The following ENTHD1 variants were observed in gnomAD, a reference collection of about 807,000 sequenced individuals.
ENTHD1 encodes ENTH domain-containing protein 1.
ENTHD1 carries 23 observed loss-of-function variants against 39.1 expected under a neutral mutation model. That is an observed-to-expected ratio of 0.59 (90% CI 0.42 to 0.83). ENTHD1 has a LOEUF of 0.83. Among genes scored for constraint, ENTHD1 ranks in the 40% least tolerant of loss-of-function variants. ENTHD1 has a pLI of 0.00. For synonymous variants in ENTHD1, 230 were observed against 258.2 expected (o/e 0.89, Z 1.05); for missense variants, 624 against 705.4 (o/e 0.88, Z 1.31).
intron 4 of ENTHD1, among the ~76,000 whole-genome samples, chr22:39,829,010 G>A (rs144764428): frequency 9.7e-4 from 147 of 152,192 alleles, no homozygotes; most frequent in Middle Eastern, 3.4e-3. Flanking sequence ...TATTTTAAGC[G>A]CCCCTCATTC....
At position 39,752,760 on chromosome 22, in the gene ENTHD1, A is replaced by G. The variant is rs193120210; in HGVS notation, c.1220-8477T>C. Among the ~76,000 whole-genome samples the G allele has an allele frequency of 3.3e-5, 5 of 152,348 alleles. No homozygotes were observed. The East Asian group carries it at 9.6e-4, about 29-fold the overall frequency. ...AGGTGTGGTTTTTTGCCTGTGAAAC[A>G]GCAGGCAGGAGATGTATACTACAAG... is the stretch of plus-strand genomic sequence containing the variant. On this transcript the variant is annotated intron_variant, in intron 6 of 6. Coordinates refer to ENST00000325157, the MANE Select transcript of ENTHD1 (RefSeq NM_152512.4).
At chr22:39,840,020 G>A (rs2065932505) in intron 3 of ENTHD1, among the ~76,000 whole-genome samples, 1 of 152,144 alleles carries the variant, frequency 6.6e-6, no homozygotes, top group African/African-American at 2.4e-5. Flanking sequence ...GCATAACACT[G>A]GAAGTGAGGT....
intron 6 of ENTHD1, among the ~76,000 whole-genome samples, chr22:39,762,565 C>T (rs578081919): frequency 6.6e-6 from 1 of 152,154 alleles, no homozygotes; most frequent in Non-Finnish European, 1.5e-5. Context: ...GATCCTCCTG[C>T]CTCAGCTTCC....
At chr22:39,747,574 C>A (rs2065115364) in intron 6 of ENTHD1, among the ~76,000 whole-genome samples, 1 of 151,814 alleles carries the variant, frequency 6.6e-6, no homozygotes, top group Non-Finnish European at 1.5e-5. Context: ...GGCAGGTAAC[C>A]AGGACAGTGA....
intron 5 of ENTHD1, among the ~76,000 whole-genome samples, chr22:39,769,968 T>A (rs543572170): frequency 2.0e-5 from 3 of 152,304 alleles, no homozygotes; most frequent in African/African-American, 7.2e-5. Flanking sequence ...CTGGGTATCT[T>A]AGAGGTCTGA....
chr22:39,772,679 C>T (rs1355335994), intron 5 of ENTHD1, among the ~76,000 whole-genome samples: 2 of 152,042 alleles, frequency 1.3e-5, no homozygotes, highest in Non-Finnish European at 2.9e-5. Flanking sequence ...ATGCAATTAA[C>T]AGGCACAAAT....
chr22:39,781,277 C>A (rs964396169), intron 5 of ENTHD1, among the ~76,000 whole-genome samples: 3 of 151,948 alleles, frequency 2.0e-5, no homozygotes, highest in African/African-American at 7.2e-5. Flanking sequence ...GAGTCTTAAC[C>A]AATTCAAAAA....
chr22:39,814,438 C>T (rs184573473), intron 5 of ENTHD1, among the ~76,000 whole-genome samples: 161 of 151,858 alleles, frequency 1.1e-3, no homozygotes, highest in African/African-American at 3.8e-3. Flanking sequence ...CCAGCATGGG[C>T]GACAGAGTGA....
At chr22:39,862,531 A>G (rs2066150315) in intron 2 of ENTHD1, among the ~76,000 whole-genome samples, 1 of 147,914 alleles carries the variant, frequency 6.8e-6, no homozygotes, top group Non-Finnish European at 1.5e-5. Context: ...TTGGCAAGAG[A>G]GCGAGACTCT....
rs146262331 is a variant in ENTHD1, at chr22:39,758,205, T to C, written c.1219+7018A>G. On this transcript the variant is annotated intron_variant, in intron 6 of 6. Coordinates refer to ENST00000325157, the MANE Select transcript of ENTHD1 (RefSeq NM_152512.4). Reference sequence around the variant, plus strand: ...ATCTTCCACACAGATAATCCTATCATCTTCGAATAAAAACATTTTATTTCT... The same window carrying C: ...ATCTTCCACACAGATAATCCTATCACCTTCGAATAAAAACATTTTATTTCT... Among the ~76,000 whole-genome samples the C allele has an allele frequency of 5.1e-3, 769 of 152,246 alleles. 7 individuals are homozygous for C. The highest frequency in any genetic ancestry group is 0.02 in the Middle Eastern group (6 of 294).
chr22:39,835,817 G>C (rs910111446), intron 4 of ENTHD1, 23 bp downstream of exon 4: 2 of 1,506,910 alleles, frequency 1.3e-6, no homozygotes, highest in African/African-American at 2.8e-5. Flanking sequence ...TATTACAGCA[G>C]CTATAGGAAA....
At chr22:39,805,386 G>T (rs11912163) in intron 5 of ENTHD1, among the ~76,000 whole-genome samples, 3,000 of 152,304 alleles carry the variant, frequency 0.02, 107 homozygotes, top group African/African-American at 0.068. Flanking sequence ...ATGTGTGAGA[G>T]ACTAGCAGTT....
At chr22:39,787,684 T>TGA (rs1458881410) in intron 5 of ENTHD1, among the ~76,000 whole-genome samples, 2 of 152,134 alleles carry the variant, frequency 1.3e-5, no homozygotes, top group African/African-American at 4.8e-5. Flanking sequence ...CTATGAAGGT[T>TGA]GAGAGAGATG....
At chr22:39,773,314 C>T (rs1832018031) in intron 5 of ENTHD1, among the ~76,000 whole-genome samples, 1 of 152,038 alleles carries the variant, frequency 6.6e-6, no homozygotes, top group Non-Finnish European at 1.5e-5. Context: ...GCTCCTATGG[C>T]AGAAAACACA....
At chr22:39,868,352 A>T in intron 2 of ENTHD1, among the ~76,000 whole-genome samples, 1 of 136,010 alleles carries the variant, frequency 7.4e-6, no homozygotes, top group African/African-American at 3.1e-5. Flanking sequence ...TATTTTATTA[A>T]AAAAAAAAAA....
chr22:39,832,482 C>A (rs923474393), intron 4 of ENTHD1, among the ~76,000 whole-genome samples: 10 of 151,992 alleles, frequency 6.6e-5, no homozygotes, highest in African/African-American at 2.4e-4. Flanking sequence ...ACAGAGTAAT[C>A]CAATGTATAT....
intron 6 of ENTHD1, among the ~76,000 whole-genome samples, chr22:39,749,037 C>T (rs114919528): frequency 3.3e-5 from 5 of 152,286 alleles, no homozygotes; most frequent in Non-Finnish European, 5.9e-5. Context: ...CTGACGAAAT[C>T]GCTTATCATT....
At chr22:39,833,719 T>C (rs1044397390) in intron 4 of ENTHD1, among the ~76,000 whole-genome samples, 1 of 151,666 alleles carries the variant, frequency 6.6e-6, no homozygotes, top group African/African-American at 2.4e-5. Flanking sequence ...AATATCCAGA[T>C]AATAAGAGTC....
At position 39,786,781 on chromosome 22, in the gene ENTHD1, A is replaced by C. The variant is rs185004858; in HGVS notation, c.833-21172T>G. On this transcript the variant is annotated intron_variant, in intron 5 of 6. Transcript: ENST00000325157. ...GTTTTAGATTCCACACACAAGTTAG[A>C]TCATGCACTATTTGTCTTTCTGTGC... is the stretch of plus-strand genomic sequence containing the variant. Among the ~76,000 whole-genome samples, 555 of 152,294 alleles carry C rather than the reference A, an allele frequency of 3.6e-3. 5 individuals are homozygous for C. Among genetic ancestry groups the C allele is most frequent in the African/African-American group, 0.012 (489 of 41,556 alleles).
Sources: gnomAD v4.1 joint callset for allele counts (sites outside exome capture counted in the v4.1 genomes callset) on GRCh38, gnomAD v4.1.1 for gene constraint, MANE v1.5 for transcripts, NCBI Gene and HGNC (gene_info 2026-07-23, HGNC 2026-07-21) for gene names.